MBD5: variants seen among roughly 807,000 people sequenced by gnomAD.
The protein encoded by MBD5 is methyl-CpG-binding domain protein 5.
MBD5 carries 13 observed loss-of-function variants against 117.3 expected under a neutral mutation model. The ratio of observed to expected loss-of-function variants is 0.11; its 90% CI spans 0.07 to 0.18. The LOEUF (loss-of-function observed/expected upper bound fraction) is 0.18, where lower values mean the gene tolerates loss of function less well. Among genes scored for constraint, MBD5 ranks in the 10% least tolerant of loss-of-function variants. The probability of loss-of-function intolerance (pLI) is 1.00; values close to 1 mark genes in which losing one functional copy is unlikely to be tolerated. For missense variants in MBD5, 1,879 were observed against 2,093.8 expected (o/e 0.90, Z 2.00); for synonymous variants, 727 against 766.4 (o/e 0.95, Z 0.85).
At chr2:148,141,550 A>T (rs904239532) in intron 1 of MBD5, among the ~76,000 whole-genome samples, 2 of 152,218 alleles carry the variant, frequency 1.3e-5, no homozygotes, top group African/African-American at 4.8e-5. Flanking sequence ...GTTGTCAGAA[A>T]ATTAAAATGC....
chr2:148,392,192 ATAGT>A (rs1424404142), intron 4 of MBD5, among the ~76,000 whole-genome samples: 3 of 152,188 alleles, frequency 2.0e-5, no homozygotes, highest in Non-Finnish European at 4.4e-5. Flanking sequence ...CATTATTGCT[ATAGT>A]TATTCTATAA....
rs567292070 is a variant in MBD5 at position 148,280,145 on chromosome 2, A to C, written c.-680+46750A>C. Among the ~76,000 whole-genome samples, 241 of 151,006 alleles carry C rather than the reference A, an allele frequency of 1.6e-3. 1 individual carries two copies. The highest frequency in any genetic ancestry group is 5.4e-3 in the African/African-American group (223 of 41,258). On this transcript the variant is annotated intron_variant, in intron 3 of 13. Transcript: ENST00000642680. ...AAAACTAACTGCAAAAAAAAAAAAA[A>C]AAAAACAAAAAGAAAAAACAGAAAA...
At chr2:148,246,995 T>G (rs1297656813) in intron 3 of MBD5, among the ~76,000 whole-genome samples, 1 of 152,160 alleles carries the variant, frequency 6.6e-6, no homozygotes, top group Non-Finnish European at 1.5e-5. Context: ...AATGTTTACC[T>G]TATTGATGTT....
At chr2:148,349,398 C>G (rs1361150728) in intron 4 of MBD5, among the ~76,000 whole-genome samples, 1 of 151,948 alleles carries the variant, frequency 6.6e-6, no homozygotes, top group African/African-American at 2.4e-5. Context: ...ATTGTTACTA[C>G]TGCACTTATA....
intron 1 of MBD5, chr2:148,025,576 T>C (rs747946689): frequency 4.0e-5 from 6 of 151,154 alleles, no homozygotes; most frequent in Non-Finnish European, 7.4e-5. Flanking sequence ...CCAAACCCTC[T>C]AAACTTAAAT....
intron 3 of MBD5, among the ~76,000 whole-genome samples, chr2:148,323,161 C>A (rs1559022261): frequency 6.6e-6 from 1 of 151,904 alleles, no homozygotes. Flanking sequence ...CATGTCCCTA[C>A]AAAGGACATG....
intron 4 of MBD5, among the ~76,000 whole-genome samples, chr2:148,368,804 TAG>T (rs1703773710): frequency 1.3e-5 from 2 of 152,132 alleles, no homozygotes. Flanking sequence ...GAAGGGATAA[TAG>T]AGTTAGAAAA....
intron 2 of MBD5, among the ~76,000 whole-genome samples, chr2:148,208,115 G>A (rs1699330837): frequency 6.6e-6 from 1 of 152,038 alleles, no homozygotes; most frequent in African/African-American, 2.4e-5. Context: ...GGATGCTGCT[G>A]GGGAATTATT....
chr2:148,246,859 G>T (rs557070068), intron 3 of MBD5, among the ~76,000 whole-genome samples: 31 of 150,712 alleles, frequency 2.1e-4, no homozygotes, highest in African/African-American at 7.3e-4. Context: ...TTACCAATAT[G>T]AGACATTATA....
intron 3 of MBD5, among the ~76,000 whole-genome samples, chr2:148,255,176 C>T (rs1181413504): frequency 6.6e-6 from 1 of 152,234 alleles, no homozygotes; most frequent in African/African-American, 2.4e-5. Flanking sequence ...AAAGGTAGAT[C>T]ATGTCCCTCA....
At chr2:148,036,726 A>G (rs926028395) in intron 1 of MBD5, among the ~76,000 whole-genome samples, 4 of 151,994 alleles carry the variant, frequency 2.6e-5, no homozygotes, top group Non-Finnish European at 5.9e-5. Flanking sequence ...TTAGTATTTC[A>G]TTTCTATTAA....
At chr2:148,272,238 G>T (rs773788817) in intron 3 of MBD5, among the ~76,000 whole-genome samples, 1 of 152,134 alleles carries the variant, frequency 6.6e-6, no homozygotes, top group African/African-American at 2.4e-5. Flanking sequence ...GTTGTATAAT[G>T]CTACAGTGAT....
chr2:148,123,346 A>G (rs910892160), intron 1 of MBD5, among the ~76,000 whole-genome samples: 2 of 152,260 alleles, frequency 1.3e-5, no homozygotes, highest in Non-Finnish European at 2.9e-5. Context: ...GAAAGCTATT[A>G]TAATCCAAGT....
chr2:148,262,652 G>A lies in MBD5; in HGVS notation c.-680+29257G>A, dbSNP rs934933422. Among the ~76,000 whole-genome samples the A allele has an allele frequency of 3.3e-5, 5 of 152,302 alleles. 1 individual carries two copies. Among genetic ancestry groups the A allele is most frequent in the South Asian group, 2.1e-4 (1 of 4,826 alleles). The stretch of plus-strand genomic sequence containing the variant: ...TTGTCCAAGGTCATATACCAAGGTC[G>A]TATATGAAAAGGCAATGCTGGGATT... On this transcript the variant is annotated intron_variant, in intron 3 of 13. Coordinates refer to ENST00000642680, the MANE Select transcript of MBD5 (RefSeq NM_001378120.1).
intron 3 of MBD5, among the ~76,000 whole-genome samples, chr2:148,284,158 A>C (rs1380712739): frequency 6.6e-6 from 1 of 152,216 alleles, no homozygotes; most frequent in Non-Finnish European, 1.5e-5. Context: ...AAATCTCCAC[A>C]CATAGAGAGC....
chr2:148,091,712 A>G (rs961084589), intron 1 of MBD5, among the ~76,000 whole-genome samples: 7 of 152,210 alleles, frequency 4.6e-5, no homozygotes, highest in African/African-American at 1.4e-4. Flanking sequence ...ATTCTAGAAG[A>G]TAACATTGGA....
chr2:148,156,579 C>G (rs1200865598), intron 1 of MBD5, among the ~76,000 whole-genome samples: 2 of 152,202 alleles, frequency 1.3e-5, no homozygotes, highest in African/African-American at 2.4e-5. Context: ...TTATCATAAT[C>G]TACAAAACCT....
intron 3 of MBD5, among the ~76,000 whole-genome samples, chr2:148,274,786 G>A (rs564924642): frequency 6.0e-5 from 9 of 149,576 alleles, no homozygotes; most frequent in South Asian, 2.1e-4. Context: ...GCAATGGCAC[G>A]ATCTCAGCTC....
chr2:148,426,035 G>T lies in MBD5; in HGVS notation c.-556-32168G>T, dbSNP rs1018819025. Among the ~76,000 whole-genome samples, 96 of 152,030 alleles carry T rather than the reference G, an allele frequency of 6.3e-4. 1 individual carries two copies. The highest frequency in any genetic ancestry group is 9.4e-4 in the Non-Finnish European group (64 of 67,968). ...GACAAACAGAGAGCCAAATCATGAG[G>T]GAACTCCCATTCACAATTGCTTCAA... On this transcript the variant is annotated intron_variant, in intron 4 of 13. Coordinates refer to ENST00000642680, the MANE Select transcript of MBD5 (RefSeq NM_001378120.1).
Sources: allele counts gnomAD v4.1 joint callset (sites outside exome capture counted in the v4.1 genomes callset), GRCh38; gene constraint gnomAD v4.1.1; transcripts MANE v1.5; gene names NCBI Gene and HGNC (gene_info 2026-07-23, HGNC 2026-07-21).